TSNARE1: variants seen among roughly 807,000 people sequenced by gnomAD.
The protein encoded by TSNARE1 is t-SNARE domain-containing protein 1.
Under a neutral mutation model 62.0 loss-of-function variants are expected in TSNARE1, and 49 were observed. The ratio of observed to expected loss-of-function variants is 0.79; its 90% CI spans 0.63 to 1.00. The LOEUF (loss-of-function observed/expected upper bound fraction) is 1.00. Among genes scored for constraint, TSNARE1 ranks in the 50% least tolerant of loss-of-function variants. The pLI, the probability that TSNARE1 is intolerant of heterozygous loss-of-function variation, is 0.00. For synonymous variants in TSNARE1, 328 were observed against 294.4 expected, an observed-to-expected ratio of 1.11 and a Z score of -1.17; for missense variants, 755 against 700.1, an observed-to-expected ratio of 1.08 and a Z score of -0.88.
intron 12 of TSNARE1, among the ~76,000 whole-genome samples, chr8:142,253,009 C>T (rs907954542): frequency 2.0e-5 from 3 of 152,236 alleles, no homozygotes; most frequent in Non-Finnish European, 4.4e-5. Flanking sequence ...CTCTGCCCTG[C>T]CCTGCCCACG....
chr8:142,309,824 G>C (rs1293671175), intron 9 of TSNARE1, among the ~76,000 whole-genome samples: 1 of 152,158 alleles, frequency 6.6e-6, no homozygotes, highest in East Asian at 1.9e-4. Flanking sequence ...ACTGCTGCTA[G>C]CTACTGCTCA....
Position 142,300,634 on chromosome 8 carries a change from G to A in TSNARE1, c.1142C>T (p.Ala381Val), listed in dbSNP as rs868069786. ...AQRGSKQSPQ[A>V]PFAELADDEK... ...ATCATCAGCCAGCTCGGCAAACGGGGCCTGGGGACTCTGCTGATGACAGAC... is the reference window on the plus strand; with the variant it reads ...ATCATCAGCCAGCTCGGCAAACGGGACCTGGGGACTCTGCTGATGACAGAC... The change falls in exon 10 of 14, where the codon GCC becomes GTC. Residue 381 changes from alanine to valine, a missense_variant. Transcript: ENST00000524325. The A allele has an allele frequency of 1.2e-6, 2 of 1,613,270 alleles. No homozygotes were observed. The highest frequency in any genetic ancestry group is 1.7e-6 in the Non-Finnish European group (2 of 1,179,750).
chr8:142,279,039 G>A (rs563874456), intron 11 of TSNARE1, among the ~76,000 whole-genome samples: 3 of 152,368 alleles, frequency 2.0e-5, no homozygotes, highest in African/African-American at 7.2e-5. Context: ...GGCTGGCCTT[G>A]CCTTCTCATG....
At chr8:142,315,436 G>T (rs915575793) in intron 7 of TSNARE1, among the ~76,000 whole-genome samples, 1 of 152,246 alleles carries the variant, frequency 6.6e-6, no homozygotes, top group Non-Finnish European at 1.5e-5. Context: ...TGACTTGTCT[G>T]TGGTCACATA....
At chr8:142,377,706 G>A (rs1484086169) in intron 1 of TSNARE1, among the ~76,000 whole-genome samples, 2 of 152,162 alleles carry the variant, frequency 1.3e-5, no homozygotes, top group Non-Finnish European at 2.9e-5. Flanking sequence ...AAGCAGCACA[G>A]GCCCCTGCAA....
chr8:142,229,829 T>A (rs905852701), intron 12 of TSNARE1, among the ~76,000 whole-genome samples: 1 of 152,090 alleles, frequency 6.6e-6, no homozygotes, highest in African/African-American at 2.4e-5. Context: ...CAACTTAAGC[T>A]CCAGAGTCAG....
At chr8:142,365,611 C>T (rs922228075) in intron 1 of TSNARE1, among the ~76,000 whole-genome samples, 1 of 148,572 alleles carries the variant, frequency 6.7e-6, no homozygotes, top group Non-Finnish European at 1.5e-5. Context: ...CGCACACACA[C>T]ACACACACAC....
intron 4 of TSNARE1, among the ~76,000 whole-genome samples, chr8:142,334,302 A>G (rs1831460919): frequency 1.3e-5 from 2 of 152,198 alleles, no homozygotes; most frequent in South Asian, 4.1e-4. Context: ...TGCCCAATTC[A>G]TGAATTGTTC....
At chr8:142,309,970 TA>T (rs148879667) in intron 9 of TSNARE1, among the ~76,000 whole-genome samples, 2 of 151,222 alleles carry the variant, frequency 1.3e-5, no homozygotes, top group African/African-American at 4.9e-5. Context: ...AATTGTTTTC[TA>T]AAAAAAAAGT....
intron 1 of TSNARE1, among the ~76,000 whole-genome samples, chr8:142,391,041 GAC>G (rs1837480197): frequency 6.9e-6 from 1 of 145,518 alleles, no homozygotes; most frequent in Non-Finnish European, 1.5e-5. Context: ...CACTGCGGGG[GAC>G]TCTGTAACAG....
Position 142,372,183 on chromosome 8 carries a change from T to C in TSNARE1, c.-39-17420A>G, listed in dbSNP as rs540272517. On this transcript the variant is annotated intron_variant, in intron 1 of 13. Coordinates refer to ENST00000524325, the MANE Select transcript of TSNARE1 (RefSeq NM_145003.5). Reference sequence around the variant, plus strand: ...CAGGATCTGATCTCAGGGGAGAGGCTAGGACTGAAAGACCCACCACGGGAG... The same window carrying C: ...CAGGATCTGATCTCAGGGGAGAGGCCAGGACTGAAAGACCCACCACGGGAG... Among the ~76,000 whole-genome samples, 200 of 152,206 alleles carry C rather than the reference T, an allele frequency of 1.3e-3. 1 individual carries two copies. Among genetic ancestry groups the C allele is most frequent in the Non-Finnish European group, 2.5e-3 (172 of 68,010 alleles).
chr8:142,256,353 CATT>C (rs1386370495), intron 12 of TSNARE1, among the ~76,000 whole-genome samples: 1 of 145,706 alleles, frequency 6.9e-6, no homozygotes, highest in Non-Finnish European at 1.5e-5. Flanking sequence ...TCATCACCAT[CATT>C]ATCACCACCA....
chr8:142,306,550 C>G (rs1163603206), intron 9 of TSNARE1, among the ~76,000 whole-genome samples: 2 of 152,222 alleles, frequency 1.3e-5, no homozygotes, highest in Non-Finnish European at 2.9e-5. Context: ...CAACTCCACA[C>G]AGGCTGAGCT....
intron 7 of TSNARE1, among the ~76,000 whole-genome samples, chr8:142,316,430 G>A (rs1303054944): frequency 6.6e-6 from 1 of 151,770 alleles, no homozygotes; most frequent in African/African-American, 2.4e-5. Flanking sequence ...CACTGGACAG[G>A]GGACTGCTGC....
intron 12 of TSNARE1, among the ~76,000 whole-genome samples, chr8:142,268,927 C>T (rs893829641): frequency 7.9e-5 from 12 of 152,376 alleles, no homozygotes; most frequent in African/African-American, 2.6e-4. Context: ...CCTATCTACT[C>T]TAAGACACCC....
At chr8:142,338,238 C>T (rs1407965008) in intron 4 of TSNARE1, among the ~76,000 whole-genome samples, 1 of 152,258 alleles carries the variant, frequency 6.6e-6, no homozygotes, top group African/African-American at 2.4e-5. Flanking sequence ...CCACGTCTCA[C>T]TGCAGGCCCC....
At chr8:142,235,565 T>A (rs1220929806) in intron 12 of TSNARE1, among the ~76,000 whole-genome samples, 1 of 152,094 alleles carries the variant, frequency 6.6e-6, no homozygotes, top group Non-Finnish European at 1.5e-5. Context: ...ATCGGAGCCA[T>A]TTGGATAGAT....
chr8:142,292,475 T>A (rs1823961284), intron 10 of TSNARE1, among the ~76,000 whole-genome samples: 1 of 152,058 alleles, frequency 6.6e-6, no homozygotes, highest in Admixed American at 6.5e-5. Context: ...AAGATGGGCC[T>A]GTGGAGGTGG....
intron 6 of TSNARE1, among the ~76,000 whole-genome samples, chr8:142,320,579 C>A (rs34143103): frequency 1.9e-4 from 29 of 152,140 alleles, no homozygotes; most frequent in African/African-American, 6.8e-4. Context: ...CCCCACACCA[C>A]CCCTGGGTTC....
Sources: gnomAD v4.1 joint callset for allele counts (sites outside exome capture counted in the v4.1 genomes callset) on GRCh38, gnomAD v4.1.1 for gene constraint, MANE v1.5 for transcripts, NCBI Gene and HGNC (gene_info 2026-07-23, HGNC 2026-07-21) for gene names.